Variants in PCDHGB5 observed in about 807,000 individuals in gnomAD.
PCDHGB5 encodes protocadherin gamma-B5.
PCDHGB5 carries 48 observed loss-of-function variants against 62.9 expected under a neutral mutation model. The observed-to-expected ratio is 0.76, with a 90% CI of 0.61 to 0.97. PCDHGB5 has a LOEUF of 0.97. Among genes scored for constraint, PCDHGB5 ranks in the 50% least tolerant of loss-of-function variants. The probability of loss-of-function intolerance (pLI) is 0.00; values close to 1 mark genes in which losing one functional copy is unlikely to be tolerated. For synonymous variants in PCDHGB5, 474 were observed against 511.2 expected (o/e 0.93, Z 0.98); for missense variants, 1,118 against 1,198.6 (o/e 0.93, Z 0.99).
chr5:141,401,446 A>G (rs1200787289), intron 1 of PCDHGB5, among the ~76,000 whole-genome samples: 1 of 152,244 alleles, frequency 6.6e-6, no homozygotes, highest in Non-Finnish European at 1.5e-5. Context: ...GAAGGTCCAA[A>G]TCATCCAAAT....
chr5:141,503,654 G>C (rs1248501987), intron 2 of PCDHGB5, among the ~76,000 whole-genome samples: 1 of 150,388 alleles, frequency 6.6e-6, no homozygotes, highest in Non-Finnish European at 1.5e-5. Flanking sequence ...AATGGAAACA[G>C]AATTACAACT....
In PCDHGB5 at chr5:141,398,750, A is replaced by G. The variant is rs144881560; in HGVS notation, c.623A>G (p.His208Arg). 1.1e-5 allele frequency: 17 copies of G among 1,613,502 alleles called. No homozygotes were observed. The highest frequency in any genetic ancestry group is 1.6e-4 in the Middle Eastern group (1 of 6,062). Reference sequence around the variant, plus strand: ...TTAGACCGGGAACAACAGAGTTACCATCGTTTAGTCCTGACTGCCTTGGAC... The same window carrying G: ...TTAGACCGGGAACAACAGAGTTACCGTCGTTTAGTCCTGACTGCCTTGGAC... The part of the protein sequence containing the change: ...KTLDREQQSY[H>R]RLVLTALDGG... The change falls in exon 1 of 4, where the codon CAT (histidine) becomes CGT (arginine). Residue 208 changes from histidine to arginine, a missense_variant. By Grantham distance (29) the His-to-Arg change is conservative. This residue lies in a region of PCDHGB5 where 1,034 missense variants were observed against 1,029.1 expected (regional missense o/e 1.00). Transcript: ENST00000617380.
At chr5:141,484,899 T>G (rs1296997337) in intron 1 of PCDHGB5, 9 of 398,498 alleles carry the variant, frequency 2.3e-5, no homozygotes, top group Non-Finnish European at 3.1e-5. Flanking sequence ...TCCCCTCCAA[T>G]GCTGCGACGC....
intron 1 of PCDHGB5, among the ~76,000 whole-genome samples, chr5:141,438,517 T>G (rs975190211): frequency 6.7e-6 from 1 of 148,384 alleles, no homozygotes; most frequent in Non-Finnish European, 1.5e-5. Context: ...AAACCAATTA[T>G]TTTACATGGA....
At chr5:141,435,390 C>T (rs2097760754) in intron 1 of PCDHGB5, among the ~76,000 whole-genome samples, 1 of 152,052 alleles carries the variant, frequency 6.6e-6, no homozygotes, top group Non-Finnish European at 1.5e-5. Flanking sequence ...ACCGTATTGC[C>T]ATGACGAAAA....
At chr5:141,481,216 G>T (rs2099534005) in intron 1 of PCDHGB5, among the ~76,000 whole-genome samples, 3 of 152,110 alleles carry the variant, frequency 2.0e-5, no homozygotes, top group Admixed American at 6.5e-5. Flanking sequence ...ACATGGTAAG[G>T]TCTCCCAGCC....
intron 1 of PCDHGB5, chr5:141,414,939 C>T (rs773327918): frequency 2.5e-6 from 4 of 1,614,090 alleles, no homozygotes; most frequent in Admixed American, 1.7e-5. Context: ...CCGCAGAGCC[C>T]GGCTACCTGG....
intron 1 of PCDHGB5, chr5:141,417,801 G>A (rs368563336): frequency 1.3e-6 from 2 of 1,490,494 alleles, no homozygotes; most frequent in South Asian, 1.4e-5. Context: ...CTTTTAGCGC[G>A]GTAGAGTGCA....
chr5:141,444,364 T>C (rs1191889941), intron 1 of PCDHGB5, among the ~76,000 whole-genome samples: 2 of 151,718 alleles, frequency 1.3e-5, no homozygotes, highest in Admixed American at 1.3e-4. Context: ...AGAGACGGGG[T>C]TTCTCCATGT....
chr5:141,420,975 G>A, intron 1 of PCDHGB5: 2 of 458,946 alleles, frequency 4.4e-6, no homozygotes, highest in South Asian at 4.2e-5. Context: ...TAATAAGAAT[G>A]GGCTCTAGGC....
At chr5:141,430,687 T>A in intron 1 of PCDHGB5, 3 of 1,399,922 alleles carry the variant, frequency 2.1e-6, no homozygotes, top group Non-Finnish European at 9.5e-7. Flanking sequence ...TGTCCCATTC[T>A]ATGGGCGAAG....
Position 141,489,214 on chromosome 5 carries a change from T to TA in PCDHGB5, c.2398-5592dup, listed in dbSNP as rs771766565. On this transcript the variant is annotated intron_variant, in intron 1 of 3. Transcript: ENST00000617380. This position sits in a 1 kb window ranked among gnomAD's most constrained non-coding sequence, Gnocchi z 4.5. ...CCTTGGAGACAGGACAGCACAGACTTACTCTCCACAAAGGGACTTCTGGGT... is the reference window on the plus strand; with the variant it reads ...CCTTGGAGACAGGACAGCACAGACTTAACTCTCCACAAAGGGACTTCTGGGT... 216 of 1,480,534 alleles carry TA rather than the reference T, an allele frequency of 1.5e-4. 4 individuals are homozygous for TA. The South Asian group carries it at 2.1e-3, about 14-fold the overall frequency. 91.7% of individuals were successfully genotyped at this position (1,480,534 alleles called of 1,614,324 possible).
At chr5:141,430,853 C>G (rs769009864) in intron 1 of PCDHGB5, 2 of 1,587,214 alleles carry the variant, frequency 1.3e-6, no homozygotes, top group Non-Finnish European at 1.7e-6. Flanking sequence ...CACCCAGATA[C>G]GCTATTCAGT....
chr5:141,509,081 A>T (rs1279221589), intron 3 of PCDHGB5, among the ~76,000 whole-genome samples: 1 of 152,160 alleles, frequency 6.6e-6, no homozygotes, highest in Non-Finnish European at 1.5e-5. Context: ...GATTTGCGAC[A>T]TGAAATGGGG....
intron 1 of PCDHGB5, among the ~76,000 whole-genome samples, chr5:141,458,988 C>G (rs996478276): frequency 6.6e-6 from 1 of 152,208 alleles, no homozygotes; most frequent in African/African-American, 2.4e-5. Flanking sequence ...CTGCCTCACC[C>G]TCCCAAAGTG....
At chr5:141,429,875 A>G (rs959789833) in intron 1 of PCDHGB5, among the ~76,000 whole-genome samples, 3 of 152,322 alleles carry the variant, frequency 2.0e-5, no homozygotes, top group Middle Eastern at 6.8e-3. Context: ...ATTTTCTTTT[A>G]CTAAGTTTCC....
intron 1 of PCDHGB5, among the ~76,000 whole-genome samples, chr5:141,451,924 G>C (rs1337159204): frequency 1.3e-5 from 2 of 152,008 alleles, no homozygotes; most frequent in African/African-American, 4.8e-5. Context: ...AAGGAAGGGA[G>C]GTAGGGAGGC....
At position 141,431,823 on chromosome 5, in the gene PCDHGB5, CG is replaced by C. The variant is rs754257436; in HGVS notation, c.2397+31301del. ...GTGGTCCTCACCTCTCTCGCCAGCTCGGTTCCCGAAAACTCTCCCAGAGGGA... is the reference window on the plus strand; with the variant it reads ...GTGGTCCTCACCTCTCTCGCCAGCTCGTTCCCGAAAACTCTCCCAGAGGGA... On this transcript the variant is annotated intron_variant, in intron 1 of 3. Transcript: ENST00000617380. The surrounding 1 kb of genome is among the most constrained non-coding windows in gnomAD (Gnocchi z 4.8). 2.5e-6 allele frequency: 4 copies of C among 1,614,142 alleles called. No homozygotes were observed. In the East Asian group the frequency reaches 8.9e-5, roughly 36 times the overall value.
In PCDHGB5 at chr5:141,400,525, G is replaced by C; in HGVS notation, c.2397+1G>C. ...CGAGTCGACTTCCCATCCTGAGTTG[G>C]TGAGTTTCATTTATGTCTATTCTTT... On this transcript the variant is annotated splice_donor_variant, in intron 1 of 3. Coordinates refer to ENST00000617380, the MANE Select transcript of PCDHGB5 (RefSeq NM_018925.3). LOFTEE classifies it high-confidence loss of function. 2.5e-6 allele frequency: 4 copies of C among 1,613,908 alleles called. No individual in the cohort carries two copies. The highest frequency in any genetic ancestry group is 2.5e-6 in the Non-Finnish European group (3 of 1,179,816).
Sources: gnomAD v4.1 joint callset for allele counts (sites outside exome capture counted in the v4.1 genomes callset) on GRCh38, gnomAD v4.1.1 for gene constraint, gnomAD v4.1.1 regional missense constraint, Gnocchi (gnomAD v3.1) non-coding constraint, MANE v1.5 for transcripts, NCBI Gene and HGNC (gene_info 2026-07-23, HGNC 2026-07-21) for gene names.